GATA3: variants seen among roughly 807,000 people sequenced by gnomAD.
GATA3 encodes GATA binding protein 3.
Under a neutral mutation model 36.0 loss-of-function variants are expected in GATA3, and 6 were observed. That is an observed-to-expected ratio of 0.17 (90% CI 0.09 to 0.33). The LOEUF (loss-of-function observed/expected upper bound fraction) is 0.33. Ranked by LOEUF, GATA3 falls within the 10% of genes least tolerant of loss-of-function variation. GATA3 has a pLI of 1.00. For missense variants in GATA3, 514 were observed against 610.1 expected (o/e 0.84, Z 1.66); for synonymous variants, 326 against 273.0 (o/e 1.19, Z -1.92).
chr10:8,058,320 G>A lies in GATA3; in HGVS notation c.257G>A (p.Arg86His), dbSNP rs1245137314. The A allele has an allele frequency of 3.1e-6, 5 of 1,613,002 alleles. No homozygotes were observed. Among genetic ancestry groups the A allele is most frequent in the Non-Finnish European group, 4.2e-6 (5 of 1,179,922 alleles). The stretch of plus-strand genomic sequence containing the variant: ...TGCCCCACAGGGAGCCAGGTGTGCC[G>A]CCCGCCTCTGCTTCATGGATCCCTA... ...PPTHHGSQVC[R>H]PPLLHGSLPW... Residue 86 changes from arginine (R) to histidine (H), a missense_variant, in exon 3 of 6, where the codon CGC becomes CAC. This residue lies in a region of GATA3 where 381 missense variants were observed against 354.3 expected (regional missense o/e 1.08). Transcript: ENST00000379328.
chr10:8,070,037 A>G (rs1455336737), intron 5 of GATA3, among the ~76,000 whole-genome samples: 1 of 152,238 alleles, frequency 6.6e-6, no homozygotes, highest in African/African-American at 2.4e-5. Flanking sequence ...GGAAACTAAG[A>G]GGACCCATTT....
chr10:8,050,869 A>G (rs758010133), upstream of GATA3: 1 of 445,446 alleles, frequency 2.2e-6, no homozygotes, highest in Admixed American at 2.7e-5. Context: ...TAACTTTAGG[A>G]CTTCGACCCC....
intron 3 of GATA3, among the ~76,000 whole-genome samples, chr10:8,060,817 T>C (rs1832735088): frequency 1.3e-5 from 2 of 152,224 alleles, no homozygotes. Context: ...GAGCTAGGAA[T>C]ACCGATACAC....
intron 3 of GATA3, 28 bp from the exon 4 acceptor site, chr10:8,063,965 A>C (rs943502633): frequency 6.2e-7 from 1 of 1,614,156 alleles, no homozygotes; most frequent in East Asian, 2.2e-5. Flanking sequence ...TCCTTCCCTA[A>C]GTGGCTTATC....
At position 8,074,084 on chromosome 10, in the gene GATA3, A is replaced by G; in HGVS notation, c.*61A>G. The G allele has an allele frequency of 1.3e-6, 2 of 1,573,612 alleles. No homozygotes were observed. Among genetic ancestry groups the G allele is most frequent in the East Asian group, 2.2e-5 (1 of 44,462 alleles). On this transcript the variant is annotated 3_prime_UTR_variant, in exon 6 of 6. Transcript: ENST00000379328. ...GTCCCTGCAGTCCCTTTCGACTTGC[A>G]TTTTTGCAGGAGCAGTATCATGAAG... is the stretch of plus-strand genomic sequence containing the variant.
At chr10:8,067,774 C>T (rs540781208) in intron 4 of GATA3, among the ~76,000 whole-genome samples, 12 of 152,234 alleles carry the variant, frequency 7.9e-5, no homozygotes, top group Middle Eastern at 3.4e-3. Context: ...GCCGAGATCG[C>T]GCCACTGCAC....
chr10:8,071,130 A>G (rs1224975053), intron 5 of GATA3, among the ~76,000 whole-genome samples: 1 of 152,238 alleles, frequency 6.6e-6, no homozygotes, highest in East Asian at 1.9e-4. Flanking sequence ...TGAGCCTGAG[A>G]TAGTCCCATG....
rs1832976913 is a variant in GATA3 at position 8,074,105 on chromosome 10, T to G, written c.*82T>G. The G allele has an allele frequency of 6.6e-7, 1 of 1,513,008 alleles. No individual in the cohort carries two copies. The highest frequency in any genetic ancestry group is 9.0e-7 in the Non-Finnish European group (1 of 1,108,336). The allele number at this position is 1,513,008 out of a possible 1,614,324, so 93.7% of individuals were successfully genotyped here. On this transcript the variant is annotated 3_prime_UTR_variant, in exon 6 of 6. Coordinates refer to ENST00000379328, the MANE Select transcript of GATA3 (RefSeq NM_001002295.2). ...TTGCATTTTTGCAGGAGCAGTATCA[T>G]GAAGCCTAAACGCGATGGATATATG...
rs745703902 is a variant in GATA3 at position 8,055,187 on chromosome 10, C to T, written c.-369-100C>T. On this transcript the variant is annotated intron_variant, in intron 1 of 5. Coordinates refer to ENST00000379328, the MANE Select transcript of GATA3 (RefSeq NM_001002295.2). This position sits in a 1 kb window ranked among gnomAD's most constrained non-coding sequence, Gnocchi z 5.4. ...GCGGCCGTGTCCCCGCGCTCCCGTG[C>T]GGGTCTCGGGTGCGCTGGGCGGGCG... The T allele has an allele frequency of 9.9e-5, 24 of 241,722 alleles. No individual in the cohort carries two copies. Among genetic ancestry groups the T allele is most frequent in the Non-Finnish European group, 1.8e-4 (23 of 124,904 alleles). 15.0% of individuals were successfully genotyped at this position (241,722 alleles called of 1,614,324 possible).
chr10:8,059,911 T>C (rs1323656483), intron 3 of GATA3, among the ~76,000 whole-genome samples: 3 of 152,230 alleles, frequency 2.0e-5, no homozygotes, highest in African/African-American at 7.2e-5. Context: ...GGGCATCTCT[T>C]CTCTGATCGG....
chr10:8,055,496 C>G lies in GATA3; in HGVS notation c.-160C>G. On this transcript the variant is annotated 5_prime_UTR_variant, in exon 2 of 6. Coordinates refer to ENST00000379328, the MANE Select transcript of GATA3 (RefSeq NM_001002295.2). This position sits in a 1 kb window ranked among gnomAD's most constrained non-coding sequence, Gnocchi z 5.4. ...TTTAAAAAACCTTCTCCTTTGCTCA[C>G]CTTTGCTTCCCAGCCTTCCCATCCC... 1.3e-6 allele frequency: 1 copy of G among 781,910 alleles called. No individual in the cohort carries two copies. The highest frequency in any genetic ancestry group is 1.7e-5 in the African/African-American group (1 of 57,882). The allele number at this position is 781,910 out of a possible 1,614,324, so 48.4% of individuals were successfully genotyped here.
chr10:8,055,905 G>GC lies in GATA3; in HGVS notation c.241+12dup, dbSNP rs1255888653. The stretch of plus-strand genomic sequence containing the variant: ...CCCTCCGACCCACCACGGTGAGTGC[G>GC]CCCGGGGTGCCGGGGCTCCCGCCGG... On this transcript the variant is annotated intron_variant, in intron 2 of 5. Transcript: ENST00000379328. This position sits in a 1 kb window ranked among gnomAD's most constrained non-coding sequence, Gnocchi z 5.4. 2 of 1,553,148 alleles carry GC rather than the reference G, an allele frequency of 1.3e-6. No individual in the cohort carries two copies. Among genetic ancestry groups the GC allele is most frequent in the East Asian group, 4.9e-5 (2 of 41,060 alleles).
upstream of GATA3, chr10:8,052,880 G>T (rs1293434493): frequency 7.5e-6 from 1 of 133,826 alleles, no homozygotes; most frequent in African/African-American, 2.9e-5. Flanking sequence ...GACCAAGTGG[G>T]CTCAGGAGAA....
upstream of GATA3, chr10:8,052,830 G>A (rs1256581749): frequency 1.5e-5 from 2 of 134,666 alleles, no homozygotes; most frequent in African/African-American, 5.6e-5. Context: ...AGAATGAAAG[G>A]AAAATCGATG....
upstream of GATA3, among the ~76,000 whole-genome samples, chr10:8,052,033 C>A (rs998772179): frequency 1.4e-4 from 21 of 152,230 alleles, no homozygotes; most frequent in African/African-American, 4.8e-4. Flanking sequence ...GACGTCAAAC[C>A]CAGTGTGGCG....
intron 5 of GATA3, among the ~76,000 whole-genome samples, chr10:8,069,831 A>T (rs566275546): frequency 6.6e-6 from 1 of 151,448 alleles, no homozygotes; most frequent in Non-Finnish European, 1.5e-5. Flanking sequence ...TGCATTGGAC[A>T]CTCCACATAC....
At chr10:8,050,833 C>T (rs201332317), upstream of GATA3, 81 of 388,358 alleles carry the variant, frequency 2.1e-4, no homozygotes, top group Middle Eastern at 1.1e-3. Flanking sequence ...GCCCGAGGCA[C>T]GCTCTCTCCC....
rs959257860 is a variant in GATA3 at position 8,074,079 on chromosome 10, C to G, written c.*56C>G. On this transcript the variant is annotated 3_prime_UTR_variant, in exon 6 of 6. Coordinates refer to ENST00000379328, the MANE Select transcript of GATA3 (RefSeq NM_001002295.2). Reference sequence around the variant, plus strand: ...CGAGAGTCCCTGCAGTCCCTTTCGACTTGCATTTTTGCAGGAGCAGTATCA... The same window carrying G: ...CGAGAGTCCCTGCAGTCCCTTTCGAGTTGCATTTTTGCAGGAGCAGTATCA... 13 of 1,584,426 alleles carry G rather than the reference C, an allele frequency of 8.2e-6. No individual in the cohort carries two copies. In the African/African-American group the frequency reaches 1.8e-4, roughly 21 times the overall value.
upstream of GATA3, among the ~76,000 whole-genome samples, chr10:8,050,029 G>C (rs1237319335): frequency 6.6e-6 from 1 of 152,198 alleles, no homozygotes; most frequent in Non-Finnish European, 1.5e-5. Flanking sequence ...GCCGGCCCTG[G>C]CCTGGCTCAG....
Sources: gnomAD v4.1 joint callset for allele counts (sites outside exome capture counted in the v4.1 genomes callset) on GRCh38, gnomAD v4.1.1 for gene constraint, gnomAD v4.1.1 regional missense constraint, Gnocchi (gnomAD v3.1) non-coding constraint, MANE v1.5 for transcripts, NCBI Gene and HGNC (gene_info 2026-07-23, HGNC 2026-07-21) for gene names.